HERC1: variants seen among roughly 807,000 people sequenced by gnomAD.
The protein encoded by HERC1 is probable E3 ubiquitin-protein ligase HERC1.
Under a neutral mutation model 554.3 loss-of-function variants are expected in HERC1, and 160 were observed. That is an observed-to-expected ratio of 0.29 (90% CI 0.25 to 0.33). HERC1 has a LOEUF of 0.33. Among genes scored for constraint, HERC1 ranks in the 10% least tolerant of loss-of-function variants. The pLI, the probability that HERC1 is intolerant of heterozygous loss-of-function variation, is 1.00. For missense variants in HERC1, 4,919 were observed against 5,918.5 expected (o/e 0.83, Z 5.54); for synonymous variants, 2,175 against 2,131.7 (o/e 1.02, Z -0.56).
chr15:63,703,512 C>T (rs2072840831), intron 25 of HERC1, among the ~76,000 whole-genome samples: 2 of 152,172 alleles, frequency 1.3e-5, no homozygotes, highest in African/African-American at 4.8e-5. Flanking sequence ...TTCAAGACCA[C>T]TGAGACTAGT....
chr15:63,787,605 C>G (rs943150525), intron 1 of HERC1, among the ~76,000 whole-genome samples: 12 of 151,966 alleles, frequency 7.9e-5, no homozygotes, highest in African/African-American at 2.9e-4. Context: ...TTTGATGGGT[C>G]AAACTATTAT....
intron 2 of HERC1, among the ~76,000 whole-genome samples, chr15:63,773,202 G>A (rs996020059): frequency 6.6e-6 from 1 of 152,136 alleles, no homozygotes; most frequent in East Asian, 1.9e-4. Context: ...CAGCAGTGTG[G>A]GAGGCCAAGG....
At chr15:63,759,150 T>C (rs1322743329) in intron 3 of HERC1, among the ~76,000 whole-genome samples, 3 of 152,228 alleles carry the variant, frequency 2.0e-5, no homozygotes, top group Middle Eastern at 3.4e-3. Context: ...GAAATGGGAC[T>C]CGGAATTCAA....
intron 67 of HERC1, among the ~76,000 whole-genome samples, chr15:63,633,439 T>C (rs1158028598): frequency 6.6e-6 from 1 of 152,224 alleles, no homozygotes; most frequent in African/African-American, 2.4e-5. Flanking sequence ...TTTGTATTGT[T>C]TTCTTAAAAG....
At position 63,741,504 on chromosome 15, in the gene HERC1, G is replaced by A. The variant is rs113765742; in HGVS notation, c.2520+5414C>T. Among the ~76,000 whole-genome samples, 89 of 151,784 alleles carry A rather than the reference G, an allele frequency of 5.9e-4. 1 individual carries two copies. The highest frequency in any genetic ancestry group is 1.9e-3 in the African/African-American group (79 of 41,396). On this transcript the variant is annotated intron_variant, in intron 12 of 77. Transcript: ENST00000443617. ...ATTTTTTGTTATTTAGTAGATACGG[G>A]GTTTCACCATGTTAGGCTGGTCTTG...
Position 63,754,602 on chromosome 15 carries a change from G to A in HERC1, c.1677C>T (p.Asp559=), listed in dbSNP as rs1423664366. The A allele has an allele frequency of 6.2e-7, 1 of 1,613,488 alleles. No homozygotes were observed. Among genetic ancestry groups the A allele is most frequent in the South Asian group, 1.1e-5 (1 of 91,056 alleles). The change falls in exon 7 of 78, where the codon GAC becomes GAT. Residue 559 remains aspartate, a synonymous_variant. Coordinates refer to ENST00000443617, the MANE Select transcript of HERC1 (RefSeq NM_003922.4). ...NSRNIPTLVK[D]ISNVGEVSCG... is the part of the protein sequence containing the mutation. ...AAGAAACCTCTCCTACATTGCTGAT[G>A]TCTTTTACTAATGTTGGAATGTTAC... is the stretch of plus-strand genomic sequence containing the variant.
chr15:63,671,137 A>C (rs1032203202), intron 39 of HERC1, among the ~76,000 whole-genome samples: 1 of 148,666 alleles, frequency 6.7e-6, no homozygotes, highest in Non-Finnish European at 1.5e-5. Flanking sequence ...CAGGAGGCTG[A>C]GGTTACGGTG....
At chr15:63,686,577 T>C (rs2153022121) in intron 33 of HERC1, 42 bp from the exon 34 acceptor site, 2 of 1,555,082 alleles carry the variant, frequency 1.3e-6, no homozygotes, top group South Asian at 2.3e-5. Context: ...GAATAATCCA[T>C]GTCTCAGATA....
intron 76 of HERC1, among the ~76,000 whole-genome samples, chr15:63,613,523 A>T (rs1264935387): frequency 6.6e-6 from 1 of 152,236 alleles, no homozygotes; most frequent in Non-Finnish European, 1.5e-5. Flanking sequence ...AAGAATCTGA[A>T]TAGGGACCAT....
At chr15:63,623,219 T>C (rs1172049291) in intron 73 of HERC1, among the ~76,000 whole-genome samples, 2 of 152,210 alleles carry the variant, frequency 1.3e-5, no homozygotes, top group Non-Finnish European at 2.9e-5. Flanking sequence ...CAGGGTTTAC[T>C]GGAAAAATCC....
chr15:63,685,851 T>C (rs1193291713), intron 34 of HERC1, among the ~76,000 whole-genome samples: 1 of 152,254 alleles, frequency 6.6e-6, no homozygotes, highest in Non-Finnish European at 1.5e-5. Context: ...CCTATACTGA[T>C]ATAAATTTTA....
At chr15:63,664,989 G>C (rs917790377) in intron 42 of HERC1, among the ~76,000 whole-genome samples, 1 of 152,154 alleles carries the variant, frequency 6.6e-6, no homozygotes, top group Non-Finnish European at 1.5e-5. Context: ...GAAAAAGCTT[G>C]CATGCCATCT....
intron 14 of HERC1, among the ~76,000 whole-genome samples, chr15:63,730,172 C>T (rs2074228468): frequency 7.2e-6 from 1 of 139,360 alleles, no homozygotes; most frequent in Non-Finnish European, 1.6e-5. Context: ...AAAAAAAAAG[C>T]AGCTGGGTGC....
intron 1 of HERC1, among the ~76,000 whole-genome samples, chr15:63,826,843 A>ATATATATATATATATAT (rs71447354): frequency 1.3e-4 from 16 of 119,514 alleles, no homozygotes; most frequent in Non-Finnish European, 2.2e-4. Flanking sequence ...ATATATATAT[A>ATATATATATATATATAT]AAGTATGACA....
chr15:63,819,970 G>A (rs1345997299), intron 1 of HERC1, among the ~76,000 whole-genome samples: 2 of 152,128 alleles, frequency 1.3e-5, no homozygotes, highest in Admixed American at 6.6e-5. Flanking sequence ...ATGGAAAAAC[G>A]CTAAGAGAGT....
chr15:63,634,892 A>G lies in HERC1; in HGVS notation c.12415-4T>C. On this transcript the variant is annotated splice_polypyrimidine_tract_variant and splice_region_variant and intron_variant, in intron 65 of 77. Coordinates refer to ENST00000443617, the MANE Select transcript of HERC1 (RefSeq NM_003922.4). ...AGTGCTTGAAGCCACAAGACATCTA[A>G]GACAGAACCAAGGAGAAAGAAAATT... 6.3e-7 allele frequency: 1 copy of G among 1,589,100 alleles called. No homozygotes were observed. The highest frequency in any genetic ancestry group is 8.5e-7 in the Non-Finnish European group (1 of 1,171,910).
intron 1 of HERC1, among the ~76,000 whole-genome samples, chr15:63,798,419 T>C (rs1482984265): frequency 6.6e-6 from 1 of 152,036 alleles, no homozygotes; most frequent in Non-Finnish European, 1.5e-5. Context: ...CCCACCTACG[T>C]AACAGACACT....
intron 69 of HERC1, among the ~76,000 whole-genome samples, 156 bp downstream of exon 69, chr15:63,630,310 A>G (rs559683447): frequency 6.6e-6 from 1 of 152,270 alleles, no homozygotes; most frequent in Non-Finnish European, 1.5e-5. Context: ...AGAGAAAGAC[A>G]TAACTAGACT....
chr15:63,826,165 T>G (rs1596334805), intron 1 of HERC1, among the ~76,000 whole-genome samples: 1 of 152,350 alleles, frequency 6.6e-6, no homozygotes, highest in Admixed American at 6.5e-5. Context: ...GGAGCAGCAC[T>G]CTTTCTGGGA....
Sources: allele counts gnomAD v4.1 joint callset (sites outside exome capture counted in the v4.1 genomes callset), GRCh38; gene constraint gnomAD v4.1.1; transcripts MANE v1.5; gene names NCBI Gene and HGNC (gene_info 2026-07-23, HGNC 2026-07-21).